Variants in PIEZO2 observed in about 807,000 individuals in gnomAD.
PIEZO2 encodes the protein piezo-type mechanosensitive ion channel component 2.
PIEZO2 carries 172 observed loss-of-function variants against 337.3 expected under a neutral mutation model. The observed-to-expected ratio is 0.51, with a 90% CI of 0.45 to 0.58. PIEZO2 has a LOEUF of 0.58. Among genes scored for constraint, PIEZO2 ranks in the 20% least tolerant of loss-of-function variants. The pLI, the probability that PIEZO2 is intolerant of heterozygous loss-of-function variation, is 0.00. For missense variants in PIEZO2, 3,028 were observed against 3,391.3 expected (o/e 0.89, Z 2.66); for synonymous variants, 1,251 against 1,228.5 (o/e 1.02, Z -0.38).
In PIEZO2 at chr18:11,080,673, G is replaced by A. The variant is rs369253672; in HGVS notation, c.65-14451C>T. On this transcript the variant is annotated intron_variant, in intron 1 of 55. Transcript: ENST00000674853. This position sits in a 1 kb window ranked among gnomAD's most constrained non-coding sequence, Gnocchi z 5.4. ...ATCCTGGCCAACACGGTGAAACCCC[G>A]TCTCTACTAAAAATACAAAAATTAG... Among the ~76,000 whole-genome samples the A allele has an allele frequency of 6.6e-5, 10 of 152,174 alleles. No homozygotes were observed. Among genetic ancestry groups the A allele is most frequent in the East Asian group, 3.9e-4 (2 of 5,182 alleles).
At chr18:10,812,257 C>G (rs768573824) in intron 7 of PIEZO2, among the ~76,000 whole-genome samples, 1 of 152,230 alleles carries the variant, frequency 6.6e-6, no homozygotes, top group Non-Finnish European at 1.5e-5. Context: ...CTGCACTTTA[C>G]TCAGACTACT....
rs76141375 is a variant in PIEZO2 at position 10,888,069 on chromosome 18, T to C, written c.330-16654A>G. On this transcript the variant is annotated intron_variant, in intron 4 of 55. Transcript: ENST00000674853. This position sits in a 1 kb window ranked among gnomAD's most constrained non-coding sequence, Gnocchi z 4.1. ...ACCAACTTTAGCAGACATTAATGAC[T>C]CCTGCCTGTATTAACTGTCATGATG... Among the ~76,000 whole-genome samples, 79 of 152,342 alleles carry C rather than the reference T, an allele frequency of 5.2e-4. No individual in the cohort carries two copies. The highest frequency in any genetic ancestry group is 1.1e-3 in the Non-Finnish European group (73 of 68,024).
intron 3 of PIEZO2, among the ~76,000 whole-genome samples, chr18:10,951,120 T>C (rs2033274861): frequency 6.6e-6 from 1 of 152,218 alleles, no homozygotes; most frequent in East Asian, 1.9e-4. Context: ...TTTTATCTAA[T>C]ATTTGCTGCA....
intron 47 of PIEZO2, among the ~76,000 whole-genome samples, chr18:10,695,849 A>G (rs1452152112): frequency 6.6e-6 from 1 of 152,230 alleles, no homozygotes; most frequent in Non-Finnish European, 1.5e-5. Context: ...CCTTATTTCT[A>G]CAAATGTAGA....
intron 2 of PIEZO2, among the ~76,000 whole-genome samples, chr18:11,017,660 T>C (rs2036165130): frequency 6.6e-6 from 1 of 152,212 alleles, no homozygotes; most frequent in South Asian, 2.1e-4. Flanking sequence ...AGAAATCGTA[T>C]GCCAAAAACA....
chr18:10,845,371 G>T (rs767175345), intron 7 of PIEZO2, among the ~76,000 whole-genome samples: 1 of 152,020 alleles, frequency 6.6e-6, no homozygotes, highest in Non-Finnish European at 1.5e-5. Flanking sequence ...GCTTTTAAGA[G>T]ACTATGAAAG....
chr18:10,849,554 A>C (rs1233453109), intron 7 of PIEZO2, among the ~76,000 whole-genome samples: 1 of 152,102 alleles, frequency 6.6e-6, no homozygotes, highest in Non-Finnish European at 1.5e-5. Context: ...TGCATCGTTA[A>C]CGCAGGATGC....
At chr18:11,124,235 G>T (rs995338302) in intron 1 of PIEZO2, among the ~76,000 whole-genome samples, 1 of 152,162 alleles carries the variant, frequency 6.6e-6, no homozygotes, top group African/African-American at 2.4e-5. Flanking sequence ...CTCAATATTT[G>T]CATGGGAGAC....
At chr18:11,124,565 G>T (rs920671024) in intron 1 of PIEZO2, among the ~76,000 whole-genome samples, 1 of 152,180 alleles carries the variant, frequency 6.6e-6, no homozygotes, top group Non-Finnish European at 1.5e-5. Context: ...TCCCAAACCA[G>T]ATAGTTCCTT....
intron 2 of PIEZO2, 84 bp downstream of exon 2, chr18:11,066,043 T>G: frequency 1.8e-6 from 2 of 1,090,882 alleles, no homozygotes; most frequent in Non-Finnish European, 2.6e-6. Context: ...ATCTCTGCCA[T>G]TAGATAAAGG....
chr18:11,086,755 C>CG (rs1568362284), intron 1 of PIEZO2, among the ~76,000 whole-genome samples: 1 of 103,648 alleles, frequency 9.6e-6, no homozygotes, highest in Non-Finnish European at 1.8e-5. Flanking sequence ...TAAATAATTT[C>CG]GGGTTTTTTT....
intron 2 of PIEZO2, among the ~76,000 whole-genome samples, chr18:11,058,911 C>A (rs1448217130): frequency 1.3e-5 from 2 of 152,082 alleles, no homozygotes; most frequent in Non-Finnish European, 2.9e-5. Context: ...GAGAATGCCA[C>A]AAAGATACTT....
chr18:10,762,474 C>T (rs776372132), intron 23 of PIEZO2, 26 bp downstream of exon 23: 1 of 1,532,076 alleles, frequency 6.5e-7, no homozygotes, highest in South Asian at 1.2e-5. Context: ...AGTGGAGGCC[C>T]AAACTAAGCA....
Position 10,714,950 on chromosome 18 carries a change from G to A in PIEZO2, c.5257-20C>T, listed in dbSNP as rs1351367996. On this transcript the variant is annotated intron_variant, in intron 38 of 55. Transcript: ENST00000674853. ...ATTGCCCTGAGGAGAATGAGACATTGCCACAGTTCTTATGGAGGCATCTAC... is the reference window on the plus strand; with the variant it reads ...ATTGCCCTGAGGAGAATGAGACATTACCACAGTTCTTATGGAGGCATCTAC... The A allele has an allele frequency of 6.5e-7, 1 of 1,535,390 alleles. No homozygotes were observed. The highest frequency in any genetic ancestry group is 1.4e-5 in the African/African-American group (1 of 73,018).
chr18:11,022,151 C>T (rs549822317), intron 2 of PIEZO2, among the ~76,000 whole-genome samples: 3 of 152,286 alleles, frequency 2.0e-5, no homozygotes, highest in Non-Finnish European at 4.4e-5. Context: ...ATGCCTCAGC[C>T]GGCATGCCAT....
intron 36 of PIEZO2, among the ~76,000 whole-genome samples, chr18:10,729,737 T>C (rs1332290190): frequency 2.0e-5 from 3 of 152,214 alleles, no homozygotes; most frequent in Admixed American, 1.3e-4. Flanking sequence ...TGAGTGAATA[T>C]TCCTCCTGAT....
At chr18:10,922,685 T>G (rs2031500829) in intron 3 of PIEZO2, among the ~76,000 whole-genome samples, 1 of 152,006 alleles carries the variant, frequency 6.6e-6, no homozygotes, top group African/African-American at 2.4e-5. Flanking sequence ...GCAGGGGATG[T>G]GCAGCAGGGG....
At position 10,791,308 on chromosome 18, in the gene PIEZO2, G is replaced by A. The variant is rs1208762160; in HGVS notation, c.1775C>T (p.Thr592Ile). Residue 592 changes from threonine to isoleucine, a missense_variant, in exon 14 of 56, where the codon ACT becomes ATT. By Grantham distance (89) the Thr-to-Ile change is moderately conservative. Coordinates refer to ENST00000674853, the MANE Select transcript of PIEZO2 (RefSeq NM_001378183.1). ...GTGCTGCCTCAGCAGTAGCCAAAAA[G>A]TAATGGTGAAAAGGATCTGAAAGTA... ...ELASKILFTI[T>I]FWLLLRQHLT... 2 of 1,519,816 alleles carry A rather than the reference G, an allele frequency of 1.3e-6. No homozygotes were observed. The highest frequency in any genetic ancestry group is 8.8e-7 in the Non-Finnish European group (1 of 1,139,350). The allele number at this position is 1,519,816 out of a possible 1,614,324, so 94.1% of individuals were successfully genotyped here.
Position 10,942,711 on chromosome 18 carries a change from A to G in PIEZO2, c.287-31483T>C, listed in dbSNP as rs563116415. 6.6e-6 allele frequency among the ~76,000 whole-genome samples: 1 copy of G among 152,340 alleles called. No individual in the cohort carries two copies. The highest frequency in any genetic ancestry group is 1.9e-4 in the East Asian group (1 of 5,190). ...AATCAAGCCACCTGCAGAAATTTGC[A>G]TAAGTAATGAAGAGCCAAATATTAA... On this transcript the variant is annotated intron_variant, in intron 3 of 55. Transcript: ENST00000674853. This position sits in a 1 kb window ranked among gnomAD's most constrained non-coding sequence, Gnocchi z 4.4.
Sources: allele counts gnomAD v4.1 joint callset (sites outside exome capture counted in the v4.1 genomes callset), GRCh38; gene constraint gnomAD v4.1.1; non-coding constraint Gnocchi (gnomAD v3.1); transcripts MANE v1.5; gene names NCBI Gene and HGNC (gene_info 2026-07-23, HGNC 2026-07-21).